The following LYST variants were observed in gnomAD, a reference collection of about 807,000 sequenced individuals.
LYST encodes lysosomal-trafficking regulator.
In LYST, 192 loss-of-function variants were observed where a neutral mutation model predicts 413.6. That is an observed-to-expected ratio of 0.46 (90% CI 0.41 to 0.52). LYST has a LOEUF of 0.52. LYST is among the 20% of genes least tolerant of loss of function. The probability of loss-of-function intolerance (pLI) is 0.00; values close to 1 mark genes in which losing one functional copy is unlikely to be tolerated. For missense variants in LYST, 3,815 were observed against 4,499.9 expected, an observed-to-expected ratio of 0.85 and a Z score of 4.35; for synonymous variants, 1,525 against 1,567.3, an observed-to-expected ratio of 0.97 and a Z score of 0.64.
In LYST at chr1:235,755,645, T is replaced by G; in HGVS notation, c.7062A>C (p.Leu2354=). 6.3e-7 allele frequency: 1 copy of G among 1,584,396 alleles called. No individual in the cohort carries two copies. Among genetic ancestry groups the G allele is most frequent in the South Asian group, 1.1e-5 (1 of 90,418 alleles). The change falls in exon 25 of 53, where the codon CTA becomes CTC. Residue 2354 remains leucine, a splice_region_variant and synonymous_variant. Transcript: ENST00000389793. ...ATGCTCTAGCAAAATATGCATCTAA[T>G]AGCTAAACAAAAAATTTAAGTCAAT... The part of the protein sequence containing the change: ...SPAIQQGVIK[L]LDAYFARASK...
intron 45 of LYST, among the ~76,000 whole-genome samples, chr1:235,700,653 G>A (rs904674253): frequency 2.0e-5 from 3 of 152,186 alleles, no homozygotes; most frequent in Non-Finnish European, 4.4e-5. Context: ...AAGCAGTATG[G>A]TGTCGAAAGT....
intron 31 of LYST, chr1:235,738,453 G>A: frequency 1.2e-6 from 2 of 1,612,654 alleles, no homozygotes; most frequent in South Asian, 2.2e-5. Context: ...GGAAGATAAT[G>A]GCTTTCCCAA....
chr1:235,866,353 C>A (rs1244697184), intron 1 of LYST, among the ~76,000 whole-genome samples: 1 of 151,352 alleles, frequency 6.6e-6, no homozygotes, highest in African/African-American at 2.4e-5. Context: ...CGCCGCAGGG[C>A]AACAGCGCGG....
chr1:235,869,069 T>C (rs565142736), upstream of LYST, among the ~76,000 whole-genome samples: 7 of 152,318 alleles, frequency 4.6e-5, no homozygotes, highest in South Asian at 1.4e-3. Flanking sequence ...CGATACTAAA[T>C]ATACATATCA....
chr1:235,878,956 G>A (rs1191175405), intron 1 of LYST, among the ~76,000 whole-genome samples: 1 of 152,186 alleles, frequency 6.6e-6, no homozygotes, highest in Non-Finnish European at 1.5e-5. Flanking sequence ...TAGTGGTGAG[G>A]TCTGGGCTGT....
chr1:235,798,982 T>C (rs1326550496), intron 10 of LYST, among the ~76,000 whole-genome samples: 1 of 152,196 alleles, frequency 6.6e-6, no homozygotes, highest in Non-Finnish European at 1.5e-5. Context: ...ACACTTTAAA[T>C]AGGTGAATGT....
At position 235,741,513 on chromosome 1, in the gene LYST, T is replaced by C. The variant is rs1411456644; in HGVS notation, c.8267A>G (p.His2756Arg). 2 of 1,614,020 alleles carry C rather than the reference T, an allele frequency of 1.2e-6. No homozygotes were observed. Among genetic ancestry groups the C allele is most frequent in the African/African-American group, 2.7e-5 (2 of 74,932 alleles). Residue 2756 changes from histidine to arginine, a missense_variant, in exon 31 of 53, where the codon CAC (histidine) becomes CGC (arginine). His to Arg is a conservative substitution (Grantham distance 29). Coordinates refer to ENST00000389793, the MANE Select transcript of LYST (RefSeq NM_000081.4). ...AATTTGCTTTCTCTCTTGTGCAGCG[T>C]GGGCTGGCGACAAAATATGCACTAG... is the stretch of plus-strand genomic sequence containing the variant. ...RLLVHILSPAHAAQERKQIFE... is the reference protein window; with the variant it reads ...RLLVHILSPARAAQERKQIFE...
Position 235,662,762 on chromosome 1 carries a change from ACT to A in LYST, c.*176_*177del. On this transcript the variant is annotated 3_prime_UTR_variant, in exon 53 of 53. Transcript: ENST00000389793. ...CAGATTATCACTAAAATAGAACAGA[ACT>A]TTCCTCTTAGGATCATGTGACTCTT... The A allele has an allele frequency of 1.4e-6, 1 of 708,244 alleles. No individual in the cohort carries two copies. The highest frequency in any genetic ancestry group is 1.5e-5 in the South Asian group (1 of 66,364). The allele number at this position is 708,244 out of a possible 1,614,324, so 43.9% of individuals were successfully genotyped here.
chr1:235,853,148 A>G (rs1678744212), intron 1 of LYST: 1 of 170,168 alleles, frequency 5.9e-6, no homozygotes. Flanking sequence ...CAGCTTTGTT[A>G]TCTTTTTCCA....
At chr1:235,833,502 G>T in intron 2 of LYST, 76 bp downstream of exon 2, 2 of 235,814 alleles carry the variant, frequency 8.5e-6, no homozygotes, top group Non-Finnish European at 6.9e-6. Context: ...GGGGTTTAAC[G>T]AATGTCAGAT....
At chr1:235,678,654 A>G (rs1485216579) in intron 48 of LYST, among the ~76,000 whole-genome samples, 1 of 152,198 alleles carries the variant, frequency 6.6e-6, no homozygotes, top group African/African-American at 2.4e-5. Context: ...TTAACATTTT[A>G]TATTATCAAT....
chr1:235,719,025 T>C (rs1293387993), intron 40 of LYST, among the ~76,000 whole-genome samples: 2 of 152,206 alleles, frequency 1.3e-5, no homozygotes, highest in Non-Finnish European at 2.9e-5. Flanking sequence ...CCTTTTCTAT[T>C]TTTATTTTTT....
At chr1:235,862,445 T>C (rs182316217) in intron 1 of LYST, among the ~76,000 whole-genome samples, 4 of 152,284 alleles carry the variant, frequency 2.6e-5, no homozygotes, top group East Asian at 1.9e-4. Flanking sequence ...TGCCCTATAG[T>C]GTATATAGGA....
intron 1 of LYST, among the ~76,000 whole-genome samples, chr1:235,876,094 C>T (rs544812509): frequency 6.6e-6 from 1 of 152,026 alleles, no homozygotes; most frequent in African/African-American, 2.4e-5. Flanking sequence ...ATGGTGGCAG[C>T]TCCTATAGTC....
Position 235,780,800 on chromosome 1 carries a change from A to G in LYST, c.5214+65T>C, listed in dbSNP as rs555893432. The G allele has an allele frequency of 4.8e-5, 29 of 602,342 alleles. No individual in the cohort carries two copies. The South Asian group carries it at 9.2e-4, about 19-fold the overall frequency. 37.3% of individuals were successfully genotyped at this position (602,342 alleles called of 1,614,324 possible). ...CTTTAGAAATCTAATTCATAACTAT[A>G]CATTACAATAAATATACCTAAATAC... is the stretch of plus-strand genomic sequence containing the variant. On this transcript the variant is annotated intron_variant, in intron 16 of 52. Coordinates refer to ENST00000389793, the MANE Select transcript of LYST (RefSeq NM_000081.4).
chr1:235,830,975 T>C (rs1306582366), intron 2 of LYST, among the ~76,000 whole-genome samples: 1 of 152,074 alleles, frequency 6.6e-6, no homozygotes, highest in African/African-American at 2.4e-5. Context: ...AAATAAAGGG[T>C]AATGTGACAT....
At chr1:235,770,082 C>T (rs1182450300) in intron 20 of LYST, 78 bp downstream of exon 20, 1 of 1,377,762 alleles carries the variant, frequency 7.3e-7, no homozygotes, top group Non-Finnish European at 1.0e-6. Context: ...ATTGAAAGTG[C>T]CACAAAAATT....
intron 48 of LYST, among the ~76,000 whole-genome samples, chr1:235,685,161 C>T (rs774432761): frequency 4.6e-5 from 7 of 152,294 alleles, no homozygotes; most frequent in South Asian, 2.1e-4. Context: ...AGATTGATCC[C>T]TTAGGATCCA....
Position 235,770,253 on chromosome 1 carries a change from G to T in LYST, c.5829C>A (p.Ile1943=). 3 of 1,613,616 alleles carry T rather than the reference G, an allele frequency of 1.9e-6. No individual in the cohort carries two copies. The highest frequency in any genetic ancestry group is 2.5e-6 in the Non-Finnish European group (3 of 1,179,628). ...ACATCTGCTGGTGGTGATCTGCTCT[G>T]ATGAGGACTTCTAGAGCTGCTAGCA... ...ETLLAALEVL[I]RADHHQQMFN... Residue 1943 remains isoleucine (I), a synonymous_variant, in exon 20 of 53, where the codon ATC becomes ATA. Coordinates refer to ENST00000389793, the MANE Select transcript of LYST (RefSeq NM_000081.4).
Sources: gnomAD v4.1 joint callset for allele counts (sites outside exome capture counted in the v4.1 genomes callset) on GRCh38, gnomAD v4.1.1 for gene constraint, MANE v1.5 for transcripts, NCBI Gene and HGNC (gene_info 2026-07-23, HGNC 2026-07-21) for gene names.